MORN1: variants seen among roughly 807,000 people sequenced by gnomAD.
MORN1 encodes the protein MORN repeat containing 1.
A neutral mutation model predicts 61.9 loss-of-function variants in MORN1; 67 were observed. The observed-to-expected ratio is 1.08, with a 90% CI of 0.89 to 1.33. The LOEUF is 1.33. Ranked by LOEUF, MORN1 falls within the 40% of genes most tolerant of loss-of-function variation. The pLI, the probability that MORN1 is intolerant of heterozygous loss-of-function variation, is 0.00. For synonymous variants in MORN1, 301 were observed against 292.0 expected (o/e 1.03, Z -0.31); for missense variants, 752 against 691.2 (o/e 1.09, Z -0.99).
intron 6 of MORN1, among the ~76,000 whole-genome samples, chr1:2,384,171 C>G (rs548889139): frequency 1.3e-5 from 2 of 152,302 alleles, no homozygotes; most frequent in African/African-American, 4.8e-5. Flanking sequence ...GGTGTTGCTT[C>G]TGCCTCCTGA....
chr1:2,330,439 C>A (rs1641124864), intron 12 of MORN1, among the ~76,000 whole-genome samples: 1 of 152,132 alleles, frequency 6.6e-6, no homozygotes, highest in African/African-American at 2.4e-5. Context: ...AGGTGAGGAG[C>A]CCAGGTGCTG....
At chr1:2,387,890 C>A (rs72923113) in intron 3 of MORN1, 2 of 421,014 alleles carry the variant, frequency 4.8e-6, no homozygotes, top group East Asian at 4.0e-5. Context: ...ACCCCTCTGG[C>A]GTGAGGGTCT....
Position 2,363,811 on chromosome 1 carries a change from A to AAAAAAT in MORN1, c.746-5097_746-5096insATTTTT, listed in dbSNP as rs1199100386. Among the ~76,000 whole-genome samples, 224 of 135,108 alleles carry AAAAAAT rather than the reference A, an allele frequency of 1.7e-3. 1 individual carries two copies. Among genetic ancestry groups the AAAAAAT allele is most frequent in the African/African-American group, 6.5e-3 (213 of 32,938 alleles). 88.6% of individuals were successfully genotyped at this position (135,108 alleles called of 152,430 possible). ...AAACAAACAAACAAACAAACAAAAA[A>AAAAAAT]ATATATATATATATAAAAAAAATCA... On this transcript the variant is annotated intron_variant, in intron 8 of 13. Coordinates refer to ENST00000378531, the MANE Select transcript of MORN1 (RefSeq NM_024848.3).
chr1:2,357,856 C>A lies in MORN1; in HGVS notation c.870-258G>T, dbSNP rs144540821. Among the ~76,000 whole-genome samples the A allele has an allele frequency of 6.1e-3, 928 of 152,308 alleles. 9 individuals are homozygous for A. The highest frequency in any genetic ancestry group is 0.021 in the African/African-American group (866 of 41,552). On this transcript the variant is annotated intron_variant, in intron 9 of 13. Transcript: ENST00000378531. This position sits in a 1 kb window ranked among gnomAD's most constrained non-coding sequence, Gnocchi z 6.3. ...CCGCCCCCATTATTATTTATGACAACTCCAGCAGCGTCACCTCTCGGGTGC... is the reference window on the plus strand; with the variant it reads ...CCGCCCCCATTATTATTTATGACAAATCCAGCAGCGTCACCTCTCGGGTGC...
At chr1:2,380,689 T>C (rs1345432655) in intron 6 of MORN1, among the ~76,000 whole-genome samples, 1 of 152,014 alleles carries the variant, frequency 6.6e-6, no homozygotes, top group Non-Finnish European at 1.5e-5. Context: ...GGGCCACAGG[T>C]GTGTACCACC....
chr1:2,323,839 T>C, intron 13 of MORN1: 6 of 985,252 alleles, frequency 6.1e-6, no homozygotes, highest in Non-Finnish European at 7.2e-6. Context: ...TCCTCCTTTC[T>C]AGGACATTCC....
intron 12 of MORN1, chr1:2,332,208 T>C (rs1157477334): frequency 1.0e-5 from 2 of 199,114 alleles, no homozygotes; most frequent in Non-Finnish European, 2.1e-5. Context: ...GGGCTGCCTG[T>C]CCTCCTGAGG....
rs1641233151 is a variant in MORN1 at position 2,334,882 on chromosome 1, C to A, written c.1250+1587G>T. On this transcript the variant is annotated intron_variant, in intron 12 of 13. Transcript: ENST00000378531. The surrounding 1 kb of genome is among the most constrained non-coding windows in gnomAD (Gnocchi z 5.4). The stretch of plus-strand genomic sequence containing the variant: ...AACATCACCCTCAGCGCGGAGGTTG[C>A]CACGGTTCTGGAGCGAAGTGGAGGT... Among the ~76,000 whole-genome samples, 1 of 152,170 alleles carries A rather than the reference C, an allele frequency of 6.6e-6. No homozygotes were observed. The highest frequency in any genetic ancestry group is 2.4e-5 in the African/African-American group (1 of 41,450).
At chr1:2,342,881 ATTTTATTTTATTTTATTTTAT>A (rs1569950391) in intron 10 of MORN1, among the ~76,000 whole-genome samples, 2 of 97,614 alleles carry the variant, frequency 2.0e-5, no homozygotes, top group East Asian at 2.4e-4. Context: ...ATTTTATTTT[ATTTTATTTTATTTTATTTTAT>A]TTTATTTTAT....
intron 13 of MORN1, chr1:2,322,744 C>G (rs1395953741): frequency 1.0e-6 from 1 of 985,344 alleles, no homozygotes; most frequent in Non-Finnish European, 1.2e-6. Flanking sequence ...TCCAGCTATA[C>G]CAGTGGTGGC....
At position 2,385,006 on chromosome 1, in the gene MORN1, A is replaced by G. The variant is rs1402010078; in HGVS notation, c.509T>C (p.Leu170Pro). 13 of 1,595,062 alleles carry G rather than the reference A, an allele frequency of 8.2e-6. No homozygotes were observed. Among genetic ancestry groups the G allele is most frequent in the Non-Finnish European group, 1.1e-5 (13 of 1,172,476 alleles). Residue 170 changes from leucine (L) to proline (P), a missense_variant, in exon 6 of 14, where the codon CTG becomes CCG. Transcript: ENST00000378531. The stretch of plus-strand genomic sequence containing the variant: ...GTAGGTGGAGCCGTCGGCGCAGCGC[A>G]GCACCCCGTGTCCCTGACGCCGGTC... The part of the protein sequence containing the change: ...VRDRRQGHGV[L>P]RCADGSTYKG...
Position 2,336,505 on chromosome 1 carries a change from GT to G in MORN1, c.1213del (p.Thr405HisfsTer28), listed in dbSNP as rs1557870901. 1 of 1,612,566 alleles carries G rather than the reference GT, an allele frequency of 6.2e-7. No individual in the cohort carries two copies. The highest frequency in any genetic ancestry group is 1.1e-5 in the South Asian group (1 of 91,074). ...AGGAGGCTCCTGTGCCGTGGGTGGT[GT>G]CCCCCTGGGGTGCAGGCCGCCTCTG... ...RSRGGLHPRGTPPTAQEPPGG... is the reference protein window; with the variant it reads ...RSRGGLHPRGXPPTAQEPPGG... On this transcript the variant is annotated frameshift_variant, in exon 12 of 14. Coordinates refer to ENST00000378531, the MANE Select transcript of MORN1 (RefSeq NM_024848.3). LOFTEE classifies it high-confidence loss of function.
chr1:2,379,931 G>A (rs1448966149), intron 6 of MORN1, among the ~76,000 whole-genome samples: 1 of 152,198 alleles, frequency 6.6e-6, no homozygotes, highest in Non-Finnish European at 1.5e-5. Flanking sequence ...CTGTGCAGCC[G>A]TATTCACAGC....
At chr1:2,355,205 G>C (rs908001451) in intron 10 of MORN1, 2 of 1,294,560 alleles carry the variant, frequency 1.5e-6, no homozygotes, top group Admixed American at 3.5e-5. Flanking sequence ...AGAAATATGA[G>C]AGCTATTCCA....
At chr1:2,323,586 C>T (rs568814916) in intron 13 of MORN1, 125 of 985,338 alleles carry the variant, frequency 1.3e-4, no homozygotes, top group African/African-American at 1.2e-3. Context: ...TGGAGGAGGC[C>T]CCACGGCTGA....
chr1:2,342,456 C>T (rs573440297), intron 10 of MORN1, among the ~76,000 whole-genome samples: 12 of 152,358 alleles, frequency 7.9e-5, no homozygotes, highest in Admixed American at 2.6e-4. Flanking sequence ...AGAACAGTCT[C>T]GTTTGGAGGT....
chr1:2,330,225 G>A lies in MORN1; in HGVS notation c.1251-6082C>T, dbSNP rs148603461. 1.7e-3 allele frequency among the ~76,000 whole-genome samples: 259 copies of A among 152,268 alleles called. 2 individuals carry two copies. Among genetic ancestry groups the A allele is most frequent in the African/African-American group, 6.1e-3 (253 of 41,558 alleles). Reference sequence around the variant, plus strand: ...TGGCCAGGACTCACGCTCAGAGAACGGACACATTGCCACCCTGAGTCCTGT... The same window carrying A: ...TGGCCAGGACTCACGCTCAGAGAACAGACACATTGCCACCCTGAGTCCTGT... On this transcript the variant is annotated intron_variant, in intron 12 of 13. Coordinates refer to ENST00000378531, the MANE Select transcript of MORN1 (RefSeq NM_024848.3).
At chr1:2,321,648 G>A in intron 13 of MORN1, 69 bp from the exon 14 acceptor site, 3 of 1,419,296 alleles carry the variant, frequency 2.1e-6, no homozygotes, top group South Asian at 1.5e-5. Flanking sequence ...TCAGCCCACT[G>A]CCCACTGTCT....
chr1:2,367,319 A>AAG (rs1642018101), intron 8 of MORN1, among the ~76,000 whole-genome samples: 2 of 151,578 alleles, frequency 1.3e-5, no homozygotes, highest in Non-Finnish European at 2.9e-5. Flanking sequence ...AAAAAAAAAA[A>AAG]AAAAAGAAAA....
Sources: allele counts gnomAD v4.1 joint callset (sites outside exome capture counted in the v4.1 genomes callset), GRCh38; gene constraint gnomAD v4.1.1; non-coding constraint Gnocchi (gnomAD v3.1); transcripts MANE v1.5; gene names NCBI Gene and HGNC (gene_info 2026-07-23, HGNC 2026-07-21).